MGAT5: variants seen among roughly 807,000 people sequenced by gnomAD.
MGAT5 encodes alpha-1,6-mannosylglycoprotein 6-beta-N-acetylglucosaminyltransferase A.
In MGAT5, 30 loss-of-function variants were observed where a neutral mutation model predicts 94.3. The observed-to-expected ratio is 0.32, with a 90% CI of 0.24 to 0.43. The LOEUF is 0.43. Among genes scored for constraint, MGAT5 ranks in the 20% least tolerant of loss-of-function variants. The pLI is 1.00. For synonymous variants in MGAT5, 310 were observed against 322.9 expected (o/e 0.96, Z 0.43); for missense variants, 691 against 905.5 (o/e 0.76, Z 3.04).
upstream of MGAT5, among the ~76,000 whole-genome samples, chr2:134,249,614 A>C (rs1362347065): frequency 6.6e-6 from 1 of 152,226 alleles, no homozygotes; most frequent in Non-Finnish European, 1.5e-5. Context: ...ATTTAATTGC[A>C]TGGATATGGC....
intron 13 of MGAT5, 134 bp downstream of exon 13, chr2:134,423,053 A>G: frequency 1.6e-6 from 1 of 637,576 alleles, no homozygotes; most frequent in South Asian, 1.9e-5. Flanking sequence ...AAAATAACCA[A>G]GCTGCAGGAT....
At chr2:134,312,279 A>G (rs1686723930) in intron 2 of MGAT5, among the ~76,000 whole-genome samples, 1 of 152,080 alleles carries the variant, frequency 6.6e-6, no homozygotes, top group South Asian at 2.1e-4. Flanking sequence ...ATACAACCAT[A>G]AACCTCTCTT....
At chr2:134,393,696 A>G (rs1682545788) in intron 10 of MGAT5, among the ~76,000 whole-genome samples, 1 of 152,126 alleles carries the variant, frequency 6.6e-6, no homozygotes, top group Non-Finnish European at 1.5e-5. Flanking sequence ...CTCTAGAATC[A>G]TATGATTTAT....
chr2:134,158,005 CTG>C (rs1687557008), intron 1 of MGAT5, among the ~76,000 whole-genome samples: 2 of 152,314 alleles, frequency 1.3e-5, no homozygotes, highest in Middle Eastern at 3.4e-3. Context: ...ACAGGTTGTT[CTG>C]ATATCTGGCC....
At chr2:134,346,542 C>T (rs1688933851) in intron 8 of MGAT5, among the ~76,000 whole-genome samples, 1 of 152,050 alleles carries the variant, frequency 6.6e-6, no homozygotes, top group African/African-American at 2.4e-5. Flanking sequence ...TGATTTCTTT[C>T]CCTTTTAAAA....
At chr2:134,205,219 T>G (rs997231892) in intron 1 of MGAT5, among the ~76,000 whole-genome samples, 1 of 152,044 alleles carries the variant, frequency 6.6e-6, no homozygotes, top group Non-Finnish European at 1.5e-5. Context: ...CCCTGATAAT[T>G]TTATACCTGT....
intron 10 of MGAT5, among the ~76,000 whole-genome samples, chr2:134,386,946 A>G (rs1333389883): frequency 6.6e-6 from 1 of 152,092 alleles, no homozygotes; most frequent in Non-Finnish European, 1.5e-5. Context: ...AAGACTACAC[A>G]AGAGACCATT....
chr2:134,184,785 G>A (rs965133372), intron 1 of MGAT5, among the ~76,000 whole-genome samples: 2 of 152,118 alleles, frequency 1.3e-5, no homozygotes, highest in African/African-American at 4.8e-5. Context: ...AGAGCAGAGA[G>A]CATGACTGTT....
chr2:134,394,972 C>G (rs1461309412), intron 10 of MGAT5, among the ~76,000 whole-genome samples: 3 of 152,216 alleles, frequency 2.0e-5, no homozygotes, highest in Non-Finnish European at 4.4e-5. Flanking sequence ...CCCTCTTTGT[C>G]ACTAAACAGT....
At chr2:134,269,850 G>C (rs978599569) in intron 1 of MGAT5, among the ~76,000 whole-genome samples, 2 of 152,218 alleles carry the variant, frequency 1.3e-5, no homozygotes, top group Admixed American at 1.3e-4. Flanking sequence ...TCCTAAATCT[G>C]ATTATAGTCA....
intron 1 of MGAT5, among the ~76,000 whole-genome samples, chr2:134,247,931 A>G (rs1682376765): frequency 6.6e-6 from 1 of 152,198 alleles, no homozygotes; most frequent in African/African-American, 2.4e-5. Flanking sequence ...GTGGCCTCCA[A>G]GAAAGGTTCC....
At chr2:134,313,089 C>T (rs78486427) in intron 2 of MGAT5, among the ~76,000 whole-genome samples, 4,916 of 104,256 alleles carry the variant, frequency 0.047, 252 homozygotes, top group African/African-American at 0.16. Flanking sequence ...CACACACACA[C>T]ACATATCTGT....
intron 1 of MGAT5, among the ~76,000 whole-genome samples, chr2:134,155,056 C>T (rs1287116223): frequency 1.3e-5 from 2 of 152,194 alleles, no homozygotes; most frequent in African/African-American, 2.4e-5. Context: ...CTCTCCTGGG[C>T]GCTTATTCAC....
At chr2:134,248,545 AT>A (rs1472049155) in intron 1 of MGAT5, among the ~76,000 whole-genome samples, 1 of 152,072 alleles carries the variant, frequency 6.6e-6, no homozygotes, top group Admixed American at 6.5e-5. Context: ...GTGACTTAGG[AT>A]TTCTTGAAGG....
At chr2:134,416,318 C>A (rs80059775) in intron 12 of MGAT5, among the ~76,000 whole-genome samples, 1 of 152,214 alleles carries the variant, frequency 6.6e-6, no homozygotes, top group East Asian at 1.9e-4. Context: ...CCCTGGTAAA[C>A]CTCTCTTCTA....
chr2:134,183,571 A>G (rs1302541703), intron 1 of MGAT5, among the ~76,000 whole-genome samples: 1 of 152,238 alleles, frequency 6.6e-6, no homozygotes, highest in Non-Finnish European at 1.5e-5. Context: ...GTCTATAGAA[A>G]CTGAATGGAT....
intron 2 of MGAT5, among the ~76,000 whole-genome samples, chr2:134,309,434 G>A (rs1686519873): frequency 6.6e-6 from 1 of 152,190 alleles, no homozygotes; most frequent in South Asian, 2.1e-4. Flanking sequence ...ATTTCTACTA[G>A]TTGAGGGTTC....
At chr2:134,144,772 A>G (rs1299499825) in intron 1 of MGAT5, among the ~76,000 whole-genome samples, 2 of 152,204 alleles carry the variant, frequency 1.3e-5, no homozygotes, top group African/African-American at 4.8e-5. Context: ...CTGGTGAGCT[A>G]TGGGACCAAA....
chr2:134,328,072 T>C (rs1394210516), intron 4 of MGAT5, among the ~76,000 whole-genome samples: 4 of 152,106 alleles, frequency 2.6e-5, no homozygotes. Context: ...AGGAATTTAT[T>C]TGCTGCTTCT....
Sources: gnomAD v4.1 joint callset for allele counts (sites outside exome capture counted in the v4.1 genomes callset) on GRCh38, gnomAD v4.1.1 for gene constraint, MANE v1.5 for transcripts, NCBI Gene and HGNC (gene_info 2026-07-23, HGNC 2026-07-21) for gene names.